Variants in CIB4 observed in about 807,000 individuals in gnomAD.
CIB4 encodes the protein calcium and integrin-binding family member 4.
In CIB4, 25 loss-of-function variants were observed where a neutral mutation model predicts 25.8. The ratio of observed to expected loss-of-function variants is 0.97; its 90% CI spans 0.71 to 1.35. The LOEUF is 1.35. Among genes scored for constraint, CIB4 ranks in the 40% most tolerant of loss-of-function variants. The pLI, the probability that CIB4 is intolerant of heterozygous loss-of-function variation, is 0.00. For missense variants in CIB4, 235 were observed against 228.2 expected, an observed-to-expected ratio of 1.03 and a Z score of -0.19; for synonymous variants, 75 against 81.4, an observed-to-expected ratio of 0.92 and a Z score of 0.42.
At chr2:26,586,751 G>A (rs191510603) in intron 4 of CIB4, among the ~76,000 whole-genome samples, 20 of 152,292 alleles carry the variant, frequency 1.3e-4, no homozygotes, top group African/African-American at 3.1e-4. Context: ...GCAATAAAGC[G>A]CCAATCTTTC....
chr2:26,615,294 G>A (rs990007412), intron 3 of CIB4, among the ~76,000 whole-genome samples: 20 of 152,162 alleles, frequency 1.3e-4, no homozygotes, highest in African/African-American at 3.9e-4. Context: ...AACAGGAGTC[G>A]AACAAACTGC....
chr2:26,630,940 C>T (rs1669406683), intron 2 of CIB4, among the ~76,000 whole-genome samples: 2 of 152,068 alleles, frequency 1.3e-5, no homozygotes, highest in South Asian at 4.2e-4. Flanking sequence ...CCACCCTGAC[C>T]CAGACCTGCT....
At position 26,581,360 on chromosome 2, in the gene CIB4, A is replaced by G; in HGVS notation, c.*3T>C. ...GCTGCCATGTCAGGTGTTTGCCGCT[A>G]CATCAGCATCCCCAGAAGTGAATCC... On this transcript the variant is annotated 3_prime_UTR_variant, in exon 7 of 7. Transcript: ENST00000288861. 1.2e-6 allele frequency: 2 copies of G among 1,613,382 alleles called. No individual in the cohort carries two copies. The highest frequency in any genetic ancestry group is 3.3e-4 in the Middle Eastern group (2 of 6,060).
chr2:26,641,164 A>T, intron 1 of CIB4, 97 bp downstream of exon 1: 1 of 1,032,230 alleles, frequency 9.7e-7, no homozygotes. Flanking sequence ...AAAATTGGAC[A>T]CCCCTGCTAG....
chr2:26,605,636 C>A (rs1028250282), intron 3 of CIB4: 1 of 457,390 alleles, frequency 2.2e-6, no homozygotes, highest in South Asian at 1.6e-5. Flanking sequence ...CAGAAGGTGG[C>A]AGTGTTGGGT....
chr2:26,601,231 A>AAAAAAAAAAAAAAAAAAATAT (rs1395827334), intron 3 of CIB4, among the ~76,000 whole-genome samples: 1 of 17,238 alleles, frequency 5.8e-5, no homozygotes, highest in African/African-American at 1.5e-4. Context: ...AAAAAAAAAA[A>AAAAAAAAAAAAAAAAAAATAT]ATATATATAT....
chr2:26,626,581 T>C (rs1383783779), intron 3 of CIB4, among the ~76,000 whole-genome samples: 1 of 152,222 alleles, frequency 6.6e-6, no homozygotes, highest in East Asian at 1.9e-4. Flanking sequence ...ATGAGCTGGC[T>C]CTTATTTGTA....
At chr2:26,584,985 C>T (rs953200064) in intron 4 of CIB4, among the ~76,000 whole-genome samples, 1 of 152,158 alleles carries the variant, frequency 6.6e-6, no homozygotes, top group Admixed American at 6.5e-5. Flanking sequence ...GGGAGTGCTG[C>T]CCTGAGCCTG....
chr2:26,617,147 T>TGTGTGTGTGTGTGCGC (rs10665609), intron 3 of CIB4, among the ~76,000 whole-genome samples: 52 of 150,532 alleles, frequency 3.5e-4, no homozygotes, highest in African/African-American at 1.2e-3. Context: ...TGTGTGTGTG[T>TGTGTGTGTGTGTGCGC]GCACGTGAGC....
In CIB4 at chr2:26,599,353, A is replaced by G. The variant is rs796741045; in HGVS notation, c.187-4036T>C. Among the ~76,000 whole-genome samples, 5 of 152,362 alleles carry G rather than the reference A, an allele frequency of 3.3e-5. No individual in the cohort carries two copies. The East Asian group carries it at 7.7e-4, about 23-fold the overall frequency. On this transcript the variant is annotated intron_variant, in intron 3 of 6. Transcript: ENST00000288861. ...AAATAGAAACTACAGTTTATCGACA[A>G]TAAAAAGATTGCAGTCCCTGCCAAA...
At chr2:26,615,257 T>C (rs1669069723) in intron 3 of CIB4, among the ~76,000 whole-genome samples, 1 of 152,182 alleles carries the variant, frequency 6.6e-6, no homozygotes, top group South Asian at 2.1e-4. Context: ...AGAATGCCTC[T>C]CCATCCCCTG....
At chr2:26,635,692 C>G (rs1046991604) in intron 2 of CIB4, among the ~76,000 whole-genome samples, 1 of 152,156 alleles carries the variant, frequency 6.6e-6, no homozygotes, top group Admixed American at 6.5e-5. Context: ...ACAGCTGTCC[C>G]CTCACTTTAC....
chr2:26,595,459 T>C, intron 3 of CIB4, 142 bp from the exon 4 acceptor site: 1 of 949,276 alleles, frequency 1.1e-6, no homozygotes, highest in African/African-American at 1.6e-5. Flanking sequence ...GAGTAGATGG[T>C]GGCTCACTGA....
At chr2:26,612,946 CT>C (rs5830018) in intron 3 of CIB4, among the ~76,000 whole-genome samples, 78,086 of 151,928 alleles carry the variant, frequency 0.51, 20,609 homozygotes, top group Non-Finnish European at 0.55. Context: ...GGTCACTGGC[CT>C]TTGCCTCCAT....
At chr2:26,611,392 A>G (rs536751237) in intron 3 of CIB4, among the ~76,000 whole-genome samples, 1 of 152,364 alleles carries the variant, frequency 6.6e-6, no homozygotes, top group East Asian at 1.9e-4. Context: ...TTATGGAGTC[A>G]TGTCAACTTA....
chr2:26,601,906 T>C (rs980529532), intron 3 of CIB4, among the ~76,000 whole-genome samples: 1 of 152,166 alleles, frequency 6.6e-6, no homozygotes, highest in Non-Finnish European at 1.5e-5. Flanking sequence ...GGGCTACATA[T>C]TGTATGAGTC....
chr2:26,581,266 A>C lies in CIB4; in HGVS notation c.*97T>G. On this transcript the variant is annotated 3_prime_UTR_variant, in exon 7 of 7. Transcript: ENST00000288861. The stretch of plus-strand genomic sequence containing the variant: ...TTCTAGAGGTGAGTGTGGGCCCAGT[A>C]CAAAGTCATACTTCAAACCAGCTCC... 1.0e-6 allele frequency: 1 copy of C among 983,260 alleles called. No individual in the cohort carries two copies. Among genetic ancestry groups the C allele is most frequent in the Non-Finnish European group, 1.6e-6 (1 of 609,150 alleles). The allele number at this position is 983,260 out of a possible 1,614,324, so 60.9% of individuals were successfully genotyped here.
intron 3 of CIB4, 62 bp downstream of exon 3, chr2:26,629,348 C>CCA: frequency 9.4e-7 from 1 of 1,069,156 alleles, no homozygotes; most frequent in Non-Finnish European, 1.4e-6. Flanking sequence ...TCCCAGCACC[C>CCA]ATCAGCCCAT....
chr2:26,623,541 G>A (rs1185054021), intron 3 of CIB4: 7 of 471,358 alleles, frequency 1.5e-5, no homozygotes, highest in Admixed American at 2.3e-5. Context: ...AGAAAGGCTC[G>A]GAAAACTTTG....
Sources: gnomAD v4.1 joint callset for allele counts (sites outside exome capture counted in the v4.1 genomes callset) on GRCh38, gnomAD v4.1.1 for gene constraint, MANE v1.5 for transcripts, NCBI Gene and HGNC (gene_info 2026-07-23, HGNC 2026-07-21) for gene names.